The following UTRN variants were observed in gnomAD, a reference collection of about 807,000 sequenced individuals.
UTRN encodes utrophin.
A neutral mutation model predicts 463.9 loss-of-function variants in UTRN; 283 were observed. The ratio of observed to expected loss-of-function variants is 0.61; its 90% CI spans 0.55 to 0.67. The LOEUF (loss-of-function observed/expected upper bound fraction) is 0.67, where lower values mean the gene tolerates loss of function less well. Among genes scored for constraint, UTRN ranks in the 30% least tolerant of loss-of-function variants. The probability of loss-of-function intolerance (pLI) is 0.00; values close to 1 mark genes in which losing one functional copy is unlikely to be tolerated. For synonymous variants in UTRN, 1,442 were observed against 1,431.5 expected (o/e 1.01, Z -0.17); for missense variants, 3,922 against 4,084.3 (o/e 0.96, Z 1.08).
chr6:144,398,535 A>G, intron 2 of UTRN: 1 of 266,836 alleles, frequency 3.7e-6, no homozygotes. Context: ...TCTGGATATC[A>G]GGATCATTAT....
At position 144,523,270 on chromosome 6, in the gene UTRN, G is replaced by A. The variant is rs1796268762; in HGVS notation, c.5906+82G>A. On this transcript the variant is annotated intron_variant, in intron 41 of 74. Coordinates refer to ENST00000367545, the MANE Select transcript of UTRN (RefSeq NM_007124.3). Reference sequence around the variant, plus strand: ...GTGAAGAAGATCATGTGGACACTGAGATTAATGAGAACATGTTTCATATCC... The same window carrying A: ...GTGAAGAAGATCATGTGGACACTGAAATTAATGAGAACATGTTTCATATCC... The A allele has an allele frequency of 8.3e-6, 9 of 1,089,822 alleles. No homozygotes were observed. The East Asian group carries it at 2.3e-4, about 28-fold the overall frequency. The allele number at this position is 1,089,822 out of a possible 1,614,324, so 67.5% of individuals were successfully genotyped here. A position where few individuals can be genotyped will look rare whatever the true frequency, so the allele number is the denominator to read the frequency against.
intron 51 of UTRN, among the ~76,000 whole-genome samples, chr6:144,668,065 T>C (rs1223257607): frequency 1.3e-5 from 2 of 152,224 alleles, no homozygotes; most frequent in Non-Finnish European, 2.9e-5. Flanking sequence ...ATTTGGACCA[T>C]AAATCTTGCA....
At chr6:144,435,082 G>A (rs995476352) in intron 9 of UTRN, among the ~76,000 whole-genome samples, 1 of 152,212 alleles carries the variant, frequency 6.6e-6, no homozygotes. Flanking sequence ...GCAAGTTGAA[G>A]TTAAAGGGAA....
At chr6:144,686,137 C>T (rs540191743) in intron 52 of UTRN, among the ~76,000 whole-genome samples, 1 of 152,112 alleles carries the variant, frequency 6.6e-6, no homozygotes, top group African/African-American at 2.4e-5. Context: ...TTCCCAGCAT[C>T]ATTTATTGAA....
At chr6:144,826,830 T>C (rs1780229887) in intron 66 of UTRN, among the ~76,000 whole-genome samples, 1 of 152,116 alleles carries the variant, frequency 6.6e-6, no homozygotes, top group Non-Finnish European at 1.5e-5. Flanking sequence ...GGTTGAGGTA[T>C]TTTGGGTACA....
intron 2 of UTRN, among the ~76,000 whole-genome samples, chr6:144,391,643 T>C (rs1781936337): frequency 2.0e-5 from 3 of 152,104 alleles, no homozygotes; most frequent in Admixed American, 1.3e-4. Context: ...CAGCTCTGTG[T>C]CATTTTTGTT....
At chr6:144,819,051 A>G (rs1779335085) in intron 65 of UTRN, among the ~76,000 whole-genome samples, 1 of 152,164 alleles carries the variant, frequency 6.6e-6, no homozygotes, top group Admixed American at 6.5e-5. Context: ...GGGAAGCCCT[A>G]TATCCATATA....
intron 13 of UTRN, among the ~76,000 whole-genome samples, chr6:144,440,744 T>C (rs1374679808): frequency 6.6e-6 from 1 of 152,154 alleles, no homozygotes; most frequent in Non-Finnish European, 1.5e-5. Flanking sequence ...GGAAGCACAG[T>C]GTATTAGTCC....
chr6:144,686,523 T>C (rs569332739), intron 52 of UTRN, among the ~76,000 whole-genome samples: 2 of 152,138 alleles, frequency 1.3e-5, no homozygotes, highest in South Asian at 4.2e-4. Flanking sequence ...CTGCAGTCTA[T>C]CTCTTTTCTT....
intron 2 of UTRN, among the ~76,000 whole-genome samples, chr6:144,310,840 A>G (rs1026083851): frequency 8.5e-5 from 13 of 152,296 alleles, no homozygotes; most frequent in African/African-American, 3.1e-4. Flanking sequence ...TATCAGTTCA[A>G]TCTTTGTTGA....
At chr6:144,728,474 CTTT>C (rs10719333) in intron 53 of UTRN, among the ~76,000 whole-genome samples, 15 of 145,780 alleles carry the variant, frequency 1.0e-4, no homozygotes, top group African/African-American at 1.5e-4. Context: ...TGTATATAAT[CTTT>C]TTTTTTTTTT....
chr6:144,397,041 C>T (rs184289827), intron 2 of UTRN, among the ~76,000 whole-genome samples: 13 of 152,080 alleles, frequency 8.5e-5, no homozygotes, highest in Non-Finnish European at 1.3e-4. Context: ...GTCAGGAGTT[C>T]GAGACAAGCC....
intron 52 of UTRN, among the ~76,000 whole-genome samples, chr6:144,680,281 C>T (rs954560268): frequency 6.6e-6 from 1 of 152,102 alleles, no homozygotes; most frequent in Non-Finnish European, 1.5e-5. Context: ...AAGTTACAGA[C>T]AAGAAATTTT....
At chr6:144,429,101 A>G (rs1018033367) in intron 8 of UTRN, among the ~76,000 whole-genome samples, 1 of 152,216 alleles carries the variant, frequency 6.6e-6, no homozygotes, top group African/African-American at 2.4e-5. Flanking sequence ...TAGAAATTTA[A>G]CTACAGCACT....
At chr6:144,770,451 A>G (rs1360519402) in intron 58 of UTRN, among the ~76,000 whole-genome samples, 2 of 152,150 alleles carry the variant, frequency 1.3e-5, no homozygotes, top group Non-Finnish European at 2.9e-5. Flanking sequence ...CTTAGGTACT[A>G]TGCTGGTTCA....
intron 65 of UTRN, among the ~76,000 whole-genome samples, chr6:144,812,102 C>CA (rs1378741843): frequency 6.6e-6 from 1 of 151,644 alleles, no homozygotes; most frequent in Non-Finnish European, 1.5e-5. Flanking sequence ...AGTGACTCCC[C>CA]AAAAAAAAGT....
At chr6:144,343,357 C>A in intron 2 of UTRN, among the ~76,000 whole-genome samples, 1 of 139,514 alleles carries the variant, frequency 7.2e-6, no homozygotes, top group African/African-American at 2.8e-5. Context: ...AATCCCGTCT[C>A]TACTAAACAC....
chr6:144,849,552 A>G (rs1450204504), intron 74 of UTRN, among the ~76,000 whole-genome samples: 4 of 152,170 alleles, frequency 2.6e-5, no homozygotes, highest in Non-Finnish European at 5.9e-5. Context: ...ATGTAACTCA[A>G]TACAAGAGGC....
At chr6:144,471,178 G>A (rs1438839552) in intron 23 of UTRN, among the ~76,000 whole-genome samples, 1 of 151,838 alleles carries the variant, frequency 6.6e-6, no homozygotes, top group African/African-American at 2.4e-5. Context: ...CATGTGAATT[G>A]CATGTGCCCT....
Sources: gnomAD v4.1 joint callset for allele counts (sites outside exome capture counted in the v4.1 genomes callset) on GRCh38, gnomAD v4.1.1 for gene constraint, MANE v1.5 for transcripts, NCBI Gene and HGNC (gene_info 2026-07-23, HGNC 2026-07-21) for gene names.